PPARG: variants seen among roughly 807,000 people sequenced by gnomAD.
The protein encoded by PPARG is peroxisome proliferator activated receptor gamma, also known as peroxisome proliferator-activated receptor gamma.
PPARG carries 17 observed loss-of-function variants against 39.2 expected under a neutral mutation model. That is an observed-to-expected ratio of 0.43 (90% CI 0.30 to 0.65). The LOEUF is 0.65. PPARG is among the 30% of genes least tolerant of loss of function. PPARG has a pLI of 0.13. For missense variants in PPARG, 406 were observed against 585.9 expected (o/e 0.69, Z 3.17); for synonymous variants, 223 against 215.7 (o/e 1.03, Z -0.30).
At chr3:12,364,329 C>T (rs1394513135) in intron 2 of PPARG, among the ~76,000 whole-genome samples, 1 of 152,186 alleles carries the variant, frequency 6.6e-6, no homozygotes, top group Non-Finnish European at 1.5e-5. Flanking sequence ...TTCAGTTTGA[C>T]TTCTTTCACT....
chr3:12,298,593 AATCTTT>A (rs2046853531), intron 1 of PPARG, among the ~76,000 whole-genome samples: 1 of 152,254 alleles, frequency 6.6e-6, no homozygotes, highest in East Asian at 1.9e-4. Context: ...GTCCTAGAAT[AATCTTT>A]ATCTTAAAGT....
In PPARG at chr3:12,310,812, A is replaced by C. The variant is rs908818222; in HGVS notation, c.-82-1568A>C. 2.0e-3 allele frequency among the ~76,000 whole-genome samples: 305 copies of C among 149,782 alleles called. 2 individuals carry two copies. Among genetic ancestry groups the C allele is most frequent in the African/African-American group, 6.7e-3 (275 of 40,888 alleles). Reference sequence around the variant, plus strand: ...AATGTAAAAAAAAAAAAAAAAAAAAAAAAAAAAAAAAACCCAAGTGGTAAT... The same window carrying C: ...AATGTAAAAAAAAAAAAAAAAAAAACAAAAAAAAAAAACCCAAGTGGTAAT... On this transcript the variant is annotated intron_variant, in intron 1 of 7. Coordinates refer to ENST00000651735, the MANE Select transcript of PPARG (RefSeq NM_138711.6).
At chr3:12,295,367 G>A (rs1297743959) in intron 1 of PPARG, among the ~76,000 whole-genome samples, 1 of 152,094 alleles carries the variant, frequency 6.6e-6, no homozygotes, top group Non-Finnish European at 1.5e-5. Context: ...TAATCCAGAA[G>A]AGTGAAGAAA....
chr3:12,329,405 T>A (rs1390603802), intron 2 of PPARG, among the ~76,000 whole-genome samples: 1 of 152,240 alleles, frequency 6.6e-6, no homozygotes, highest in Non-Finnish European at 1.5e-5. Context: ...TTGTATGGCA[T>A]GATAAGTATA....
chr3:12,361,257 G>T (rs1024740543), intron 2 of PPARG, among the ~76,000 whole-genome samples: 2 of 152,002 alleles, frequency 1.3e-5, no homozygotes, highest in African/African-American at 2.4e-5. Flanking sequence ...AGTACTTTAG[G>T]TAAACGTTCT....
chr3:12,329,145 G>A (rs577362225), intron 2 of PPARG, among the ~76,000 whole-genome samples: 4 of 140,734 alleles, frequency 2.8e-5, no homozygotes, highest in African/African-American at 7.9e-5. Context: ...TTAAAAACAA[G>A]GACAATAAAT....
At chr3:12,350,823 A>C (rs2048464825) in intron 2 of PPARG, among the ~76,000 whole-genome samples, 1 of 152,236 alleles carries the variant, frequency 6.6e-6, no homozygotes, top group Non-Finnish European at 1.5e-5. Flanking sequence ...ACATTGCTGC[A>C]GTTGCTATTG....
chr3:12,314,312 A>G (rs1159306447), intron 2 of PPARG, among the ~76,000 whole-genome samples: 3 of 152,026 alleles, frequency 2.0e-5, no homozygotes, highest in Non-Finnish European at 4.4e-5. Flanking sequence ...TAATTGAGTG[A>G]AAGTTTAAGG....
At chr3:12,391,932 T>A (rs938022396) in intron 4 of PPARG, among the ~76,000 whole-genome samples, 12 of 152,098 alleles carry the variant, frequency 7.9e-5, no homozygotes, top group Non-Finnish European at 1.5e-5. Flanking sequence ...AAGATGTAAA[T>A]ATAGCAGAAT....
At position 12,337,644 on chromosome 3, in the gene PPARG, C is replaced by T. The variant is rs144903183; in HGVS notation, c.-9+25191C>T. Among the ~76,000 whole-genome samples, 138 of 152,238 alleles carry T rather than the reference C, an allele frequency of 9.1e-4. 1 individual carries two copies. Among genetic ancestry groups the T allele is most frequent in the Middle Eastern group, 3.4e-3 (1 of 294 alleles). ...CTGAATTCATAAACCGAGTTAGTGGCGGAGCTGAAAGTCGAGCCTGGCTCT... is the reference window on the plus strand; with the variant it reads ...CTGAATTCATAAACCGAGTTAGTGGTGGAGCTGAAAGTCGAGCCTGGCTCT... On this transcript the variant is annotated intron_variant, in intron 2 of 7. Transcript: ENST00000651735.
chr3:12,434,108 A>C lies in PPARG; in HGVS notation c.1391A>C (p.His464Pro), dbSNP rs1200047582. ...IKKTETDMSL[H>P]PLLQEIYKDL... ...AAGACGGAGACAGACATGAGTCTTC[A>C]CCCGCTCCTGCAGGAGATCTACAAG... The change falls in exon 8 of 8, where the codon CAC becomes CCC. Residue 464 changes from histidine (H) to proline (P), a missense_variant. Transcript: ENST00000651735. The surrounding 1 kb of genome is among the most constrained non-coding windows in gnomAD (Gnocchi z 4.2). 1 of 1,614,120 alleles carries C rather than the reference A, an allele frequency of 6.2e-7. No homozygotes were observed. Among genetic ancestry groups the C allele is most frequent in the Non-Finnish European group, 8.5e-7 (1 of 1,180,018 alleles).
At chr3:12,381,599 A>G (rs1256432450) in intron 4 of PPARG, 108 bp downstream of exon 4, 2 of 1,180,460 alleles carry the variant, frequency 1.7e-6, no homozygotes, top group Admixed American at 2.0e-5. Context: ...TCTTCATGGA[A>G]GAGTATCTTG....
At chr3:12,343,416 A>G (rs1342264259) in intron 2 of PPARG, among the ~76,000 whole-genome samples, 1 of 151,886 alleles carries the variant, frequency 6.6e-6, no homozygotes, top group African/African-American at 2.4e-5. Context: ...TATCTTTCGC[A>G]CTCCATTGCA....
At chr3:12,328,764 A>G (rs2047765009) in intron 2 of PPARG, among the ~76,000 whole-genome samples, 1 of 152,222 alleles carries the variant, frequency 6.6e-6, no homozygotes, top group African/African-American at 2.4e-5. Flanking sequence ...ATCTTTGACT[A>G]ACGCCTCAGC....
At chr3:12,316,334 GTTCACATTTTTTA>G (rs912042049) in intron 2 of PPARG, among the ~76,000 whole-genome samples, 67 of 152,240 alleles carry the variant, frequency 4.4e-4, no homozygotes, top group Middle Eastern at 3.4e-3. Context: ...AACTGCACTA[GTTCACATTTTTTA>G]GGTGAAACAA....
intron 2 of PPARG, among the ~76,000 whole-genome samples, chr3:12,344,061 A>G (rs1042252333): frequency 6.6e-6 from 1 of 151,522 alleles, no homozygotes; most frequent in Non-Finnish European, 1.5e-5. Context: ...GGGTTTCGCC[A>G]TGTTGGCCAG....
At chr3:12,416,290 A>AT (rs1249285922) in intron 6 of PPARG, among the ~76,000 whole-genome samples, 4 of 152,192 alleles carry the variant, frequency 2.6e-5, no homozygotes, top group Non-Finnish European at 5.9e-5. Flanking sequence ...GAGGCACAAG[A>AT]ATTGCTTGAA....
At position 12,414,350 on chromosome 3, in the gene PPARG, C is replaced by T. The variant is rs556495108; in HGVS notation, c.730-2354C>T. On this transcript the variant is annotated intron_variant, in intron 6 of 7. Transcript: ENST00000651735. Reference sequence around the variant, plus strand: ...AATAAAGGCTAGTTGTGGTGGCTCACACCTGTAATCCTAGCACGCACTTAG... The same window carrying T: ...AATAAAGGCTAGTTGTGGTGGCTCATACCTGTAATCCTAGCACGCACTTAG... 3.9e-5 allele frequency among the ~76,000 whole-genome samples: 6 copies of T among 152,308 alleles called. No homozygotes were observed. The South Asian group carries it at 1.2e-3, about 32-fold the overall frequency.
At chr3:12,372,154 A>T (rs1449417018) in intron 2 of PPARG, 1 of 718,174 alleles carries the variant, frequency 1.4e-6, no homozygotes. Flanking sequence ...TCTCCAATAA[A>T]GCTTTCATTT....
Sources: gnomAD v4.1 joint callset for allele counts (sites outside exome capture counted in the v4.1 genomes callset) on GRCh38, gnomAD v4.1.1 for gene constraint, Gnocchi (gnomAD v3.1) non-coding constraint, MANE v1.5 for transcripts, NCBI Gene and HGNC (gene_info 2026-07-23, HGNC 2026-07-21) for gene names.